ADGRF5: variants seen among roughly 807,000 people sequenced by gnomAD.
ADGRF5 encodes G-protein coupled receptor 116.
In ADGRF5, 75 loss-of-function variants were observed where a neutral mutation model predicts 132.3. The observed-to-expected ratio is 0.57, with a 90% CI of 0.47 to 0.69. ADGRF5 has a LOEUF of 0.69. ADGRF5 is among the 30% of genes least tolerant of loss of function. The probability of loss-of-function intolerance (pLI) is 0.00; values close to 1 mark genes in which losing one functional copy is unlikely to be tolerated. For missense variants in ADGRF5, 1,516 were observed against 1,630.6 expected, an observed-to-expected ratio of 0.93 and a Z score of 1.21; for synonymous variants, 629 against 597.6, an observed-to-expected ratio of 1.05 and a Z score of -0.77.
At chr6:46,948,475 AGTGTGTGTGTGTGTGTGTGTGTGT>A (rs3030417) in intron 1 of ADGRF5, among the ~76,000 whole-genome samples, 1 of 143,286 alleles carries the variant, frequency 7.0e-6, no homozygotes, top group Non-Finnish European at 1.5e-5. Flanking sequence ...TGCTCTAGTG[AGTGTGTGTGTGTGTGTGTGTGTGT>A]GTGTGTGTGT....
chr6:46,892,323 T>A (rs1383071191), intron 3 of ADGRF5, among the ~76,000 whole-genome samples: 1 of 152,188 alleles, frequency 6.6e-6, no homozygotes, highest in African/African-American at 2.4e-5. Flanking sequence ...TAAATGTGTC[T>A]TTAGAACTTT....
rs903453325 is a variant in ADGRF5 at position 46,901,065 on chromosome 6, C to T, written c.103-982G>A. Among the ~76,000 whole-genome samples the T allele has an allele frequency of 5.3e-5, 8 of 152,130 alleles. No individual in the cohort carries two copies. The East Asian group carries it at 1.5e-3, about 29-fold the overall frequency. ...AGTAATTTTGGTTACATGGTAAATG[C>T]TATTCAGGGAGGGGGCATCAAGATG... On this transcript the variant is annotated intron_variant, in intron 2 of 20. Coordinates refer to ENST00000283296, the MANE Select transcript of ADGRF5 (RefSeq NM_001098518.2).
At position 46,896,299 on chromosome 6, in the gene ADGRF5, C is replaced by T. The variant is rs79025889; in HGVS notation, c.157+3730G>A. Among the ~76,000 whole-genome samples the T allele has an allele frequency of 8.9e-3, 1,362 of 152,270 alleles. 46 individuals carry two copies. The highest frequency in any genetic ancestry group is 0.065 in the Admixed American group (1,001 of 15,298). On this transcript the variant is annotated intron_variant, in intron 3 of 20. Coordinates refer to ENST00000283296, the MANE Select transcript of ADGRF5 (RefSeq NM_001098518.2). ...ATTCTTATTTCTCTCTGCTCCCTTA[C>T]AGCCACTCATTGTCCTAACAGGCAG...
At chr6:46,864,630 T>G (rs1007384507) in intron 14 of ADGRF5, among the ~76,000 whole-genome samples, 1 of 151,940 alleles carries the variant, frequency 6.6e-6, no homozygotes, top group Non-Finnish European at 1.5e-5. Context: ...GTTCAAGCGA[T>G]TCTTCCGCCT....
intron 2 of ADGRF5, among the ~76,000 whole-genome samples, chr6:46,902,069 G>T (rs1266221688): frequency 6.6e-6 from 1 of 152,182 alleles, no homozygotes; most frequent in Non-Finnish European, 1.5e-5. Flanking sequence ...AATTTCAAAA[G>T]CCCAGTTGCT....
intron 15 of ADGRF5, among the ~76,000 whole-genome samples, chr6:46,861,473 T>A (rs1769740100): frequency 6.6e-6 from 1 of 152,314 alleles, no homozygotes; most frequent in Admixed American, 6.5e-5. Flanking sequence ...TAGCTCAAAT[T>A]CTGTCTTCTA....
At chr6:46,877,447 C>T (rs373386534) in intron 10 of ADGRF5, among the ~76,000 whole-genome samples, 1 of 150,148 alleles carries the variant, frequency 6.7e-6, no homozygotes, top group Non-Finnish European at 1.5e-5. Flanking sequence ...ACCTCAATTT[C>T]CTTATTTGCA....
Position 46,879,770 on chromosome 6 carries a change from T to G in ADGRF5, c.1036+48A>C, listed in dbSNP as rs774852000. ...ACACTATTACATATTTGCTTCTTTA[T>G]AAGCTCTTCATTCCATTCCTCACAC... On this transcript the variant is annotated intron_variant, in intron 9 of 20. Coordinates refer to ENST00000283296, the MANE Select transcript of ADGRF5 (RefSeq NM_001098518.2). 9.6e-6 allele frequency: 12 copies of G among 1,255,678 alleles called. No individual in the cohort carries two copies. The Admixed American group carries it at 2.0e-4, about 21-fold the overall frequency. The allele number at this position is 1,255,678 out of a possible 1,614,324, so 77.8% of individuals were successfully genotyped here.
At chr6:46,904,172 C>A (rs952029521) in intron 2 of ADGRF5, among the ~76,000 whole-genome samples, 1 of 152,216 alleles carries the variant, frequency 6.6e-6, no homozygotes, top group Admixed American at 6.5e-5. Flanking sequence ...TGGGCAGATC[C>A]ATGCTTACAT....
At chr6:46,864,587 C>T (rs192689157) in intron 14 of ADGRF5, among the ~76,000 whole-genome samples, 4 of 150,984 alleles carry the variant, frequency 2.6e-5, no homozygotes, top group South Asian at 4.2e-4. Context: ...TGCAGTGGCA[C>T]GATCTTGGCT....
chr6:46,862,702 GCT>G (rs1491169537), intron 15 of ADGRF5, among the ~76,000 whole-genome samples, 184 bp downstream of exon 15: 559 of 34,320 alleles, frequency 0.016, 13 homozygotes, highest in African/African-American at 0.054. Context: ...TTGAATTGAG[GCT>G]TTTTTTTTTT....
chr6:46,947,814 T>A (rs1266695582), intron 1 of ADGRF5, among the ~76,000 whole-genome samples: 5 of 152,208 alleles, frequency 3.3e-5, no homozygotes, highest in Non-Finnish European at 5.9e-5. Flanking sequence ...TTTTCCTGAA[T>A]CTGCGGACCT....
rs570687209 is a variant in ADGRF5, at chr6:46,940,128, C to G, written c.-25+14606G>C. ...CAACAATACTAATGATTGACTTTTA[C>G]TTTTCCTATATGTGAGATTCTGCAG... On this transcript the variant is annotated intron_variant, in intron 1 of 20. Coordinates refer to the ADGRF5 transcript ENST00000265417. 2.6e-5 allele frequency among the ~76,000 whole-genome samples: 4 copies of G among 152,198 alleles called. No individual in the cohort carries two copies. The South Asian group carries it at 8.3e-4, about 32-fold the overall frequency.
chr6:46,896,364 CT>C (rs1182130661), intron 3 of ADGRF5, among the ~76,000 whole-genome samples: 3 of 152,090 alleles, frequency 2.0e-5, no homozygotes, highest in African/African-American at 7.2e-5. Flanking sequence ...ATGCAGGCTT[CT>C]TTTTCCTGAG....
chr6:46,951,443 C>T (rs556200291), intron 1 of ADGRF5, among the ~76,000 whole-genome samples: 2 of 152,282 alleles, frequency 1.3e-5, no homozygotes, highest in African/African-American at 4.8e-5. Flanking sequence ...TATGGAAGGG[C>T]AAAGCATGGG....
rs6916771 is a variant in ADGRF5, at chr6:46,942,198, G to A, written c.-25+12536C>T. 7.2e-3 allele frequency among the ~76,000 whole-genome samples: 1,099 copies of A among 152,208 alleles called. 9 individuals are homozygous for A. The highest frequency in any genetic ancestry group is 0.025 in the African/African-American group (1,037 of 41,514). On this transcript the variant is annotated intron_variant, in intron 1 of 20. Coordinates refer to the ADGRF5 transcript ENST00000265417. ...ACCTCCTCCCCCTGTCAAAGCACCT[G>A]CTGAACTGCATTACAATGCTCTATT...
rs146902862 is a variant in ADGRF5 at position 46,858,909 on chromosome 6, G to A, written c.2994C>T (p.Ser998=). 8 of 1,613,852 alleles carry A rather than the reference G, an allele frequency of 5.0e-6. No individual in the cohort carries two copies. In the African/African-American group the frequency reaches 9.3e-5, roughly 19 times the overall value. Residue 998 remains serine, a synonymous_variant, in exon 17 of 21, where the codon TCC becomes TCT. Transcript: ENST00000283296. ...DHLTSFSILM[S]PDSPDPSSLL... ...GAGAACTAGGATCTGGGGAGTCAGG[G>A]GACATGAGGATGGAGAATGATGTTA...
intron 1 of ADGRF5, among the ~76,000 whole-genome samples, chr6:46,931,971 C>T (rs771777769): frequency 1.3e-5 from 2 of 152,112 alleles, no homozygotes; most frequent in African/African-American, 2.4e-5. Context: ...TTAATTTTTG[C>T]CATAAACCTC....
At chr6:46,909,119 C>G (rs1775682641) in intron 1 of ADGRF5, 2 of 151,906 alleles carry the variant, frequency 1.3e-5, no homozygotes, top group South Asian at 4.2e-4. Flanking sequence ...TTAACTTGGC[C>G]AATGTGGGGG....
Sources: allele counts gnomAD v4.1 joint callset (sites outside exome capture counted in the v4.1 genomes callset), GRCh38; gene constraint gnomAD v4.1.1; transcripts MANE v1.5; gene names NCBI Gene and HGNC (gene_info 2026-07-23, HGNC 2026-07-21).